GBP7: variants seen among roughly 807,000 people sequenced by gnomAD.
The protein encoded by GBP7 is guanylate-binding protein 7.
Under a neutral mutation model 61.3 loss-of-function variants are expected in GBP7, and 43 were observed. That is an observed-to-expected ratio of 0.70 (90% CI 0.55 to 0.91). The LOEUF is 0.91. Ranked by LOEUF, GBP7 falls within the 40% of genes least tolerant of loss-of-function variation. The pLI is 0.00. For missense variants in GBP7, 717 were observed against 740.5 expected, an observed-to-expected ratio of 0.97 and a Z score of 0.37; for synonymous variants, 267 against 271.0, an observed-to-expected ratio of 0.99 and a Z score of 0.14.
rs537733649 is a variant in GBP7 at position 89,149,669 on chromosome 1, C to T, written c.872-97G>A. 9.1e-5 allele frequency: 95 copies of T among 1,046,310 alleles called. 1 individual carries two copies. In the South Asian group the frequency reaches 1.6e-3, roughly 18 times the overall value. The allele number at this position is 1,046,310 out of a possible 1,614,324, so 64.8% of individuals were successfully genotyped here. A position where few individuals can be genotyped will look rare whatever the true frequency, so the allele number is the denominator to read the frequency against. On this transcript the variant is annotated intron_variant, in intron 6 of 10. Coordinates refer to ENST00000294671, the MANE Select transcript of GBP7 (RefSeq NM_207398.3). ...GCATTCTAAAAATCAGAAAAAATTC[C>T]ATTTAACATGAATTTTCCCTCCTTC... is the stretch of plus-strand genomic sequence containing the variant.
Position 89,136,183 on chromosome 1 carries a change from G to A in GBP7, c.1469-2732C>T, listed in dbSNP as rs369099215. On this transcript the variant is annotated intron_variant, in intron 9 of 10. Transcript: ENST00000294671. ...ATAAAACAAGTTCAAAGAGACCTAT[G>A]AAGAGACTTAGATAACCACACAATA... is the stretch of plus-strand genomic sequence containing the variant. Among the ~76,000 whole-genome samples the A allele has an allele frequency of 3.7e-4, 56 of 152,270 alleles. 6 individuals are homozygous for A. The highest frequency in any genetic ancestry group is 9.1e-4 in the Admixed American group (14 of 15,302).
At chr1:89,144,787 A>C (rs116796378) in intron 8 of GBP7, among the ~76,000 whole-genome samples, 2,511 of 152,098 alleles carry the variant, frequency 0.017, 64 homozygotes, top group African/African-American at 0.056. Context: ...TTCTAGTATA[A>C]AGTACATTGT....
chr1:89,166,498 T>G (rs182327867), intron 2 of GBP7, among the ~76,000 whole-genome samples: 1 of 152,280 alleles, frequency 6.6e-6, no homozygotes, highest in East Asian at 1.9e-4. Flanking sequence ...AGATGGATGA[T>G]GACAAAAATC....
chr1:89,166,754 A>G (rs1420508861), intron 2 of GBP7, among the ~76,000 whole-genome samples: 1 of 152,202 alleles, frequency 6.6e-6, no homozygotes, highest in African/African-American at 2.4e-5. Context: ...AACAAAGGCT[A>G]ATGTTCTGAG....
chr1:89,135,308 C>T (rs888101512), intron 9 of GBP7, among the ~76,000 whole-genome samples: 1 of 152,114 alleles, frequency 6.6e-6, no homozygotes, highest in Admixed American at 6.5e-5. Context: ...CCCAACCTCA[C>T]TAGAGAGGTT....
At chr1:89,145,812 A>T (rs1471062571) in intron 8 of GBP7, among the ~76,000 whole-genome samples, 1 of 152,222 alleles carries the variant, frequency 6.6e-6, no homozygotes, top group Non-Finnish European at 1.5e-5. Flanking sequence ...GATGAAATTA[A>T]CTGAAGAAGA....
At chr1:89,169,548 T>G (rs907483299) in intron 2 of GBP7, among the ~76,000 whole-genome samples, 1 of 152,226 alleles carries the variant, frequency 6.6e-6, no homozygotes, top group Non-Finnish European at 1.5e-5. Context: ...AGTTTATTAT[T>G]ATTTATCTAC....
chr1:89,164,291 G>T (rs1159474501), intron 3 of GBP7, among the ~76,000 whole-genome samples: 1 of 152,134 alleles, frequency 6.6e-6, no homozygotes, highest in Admixed American at 6.5e-5. Context: ...AATCCCACAG[G>T]TTACAGCTTC....
chr1:89,169,755 C>T (rs776881303), intron 2 of GBP7, among the ~76,000 whole-genome samples: 1 of 152,092 alleles, frequency 6.6e-6, no homozygotes, highest in Non-Finnish European at 1.5e-5. Flanking sequence ...CAATGCCATA[C>T]CCAAAGACAT....
intron 7 of GBP7, 144 bp from the exon 8 acceptor site, chr1:89,147,923 G>A: frequency 1.3e-6 from 1 of 778,286 alleles, no homozygotes; most frequent in Non-Finnish European, 2.1e-6. Flanking sequence ...ACTTGTTTTA[G>A]TTCCAGTTCT....
chr1:89,155,848 T>A (rs1479169532), intron 3 of GBP7, among the ~76,000 whole-genome samples: 1 of 152,050 alleles, frequency 6.6e-6, no homozygotes, highest in Non-Finnish European at 1.5e-5. Flanking sequence ...ATTCAGGAAA[T>A]ACACAGAATG....
At chr1:89,140,961 AT>A (rs1681928523) in intron 9 of GBP7, among the ~76,000 whole-genome samples, 1 of 152,192 alleles carries the variant, frequency 6.6e-6, no homozygotes, top group African/African-American at 2.4e-5. Flanking sequence ...AAAACCAAAT[AT>A]CACATGTTCT....
At chr1:89,173,518 A>T (rs1020744643) in intron 1 of GBP7, among the ~76,000 whole-genome samples, 9 of 152,174 alleles carry the variant, frequency 5.9e-5, no homozygotes, top group Non-Finnish European at 1.3e-4. Flanking sequence ...TTCAAAATTG[A>T]TAATAAGTCT....
intron 3 of GBP7, among the ~76,000 whole-genome samples, chr1:89,161,373 A>G (rs967085151): frequency 6.6e-6 from 1 of 152,180 alleles, no homozygotes; most frequent in Non-Finnish European, 1.5e-5. Context: ...TGGTTTAACT[A>G]ATTTACACTC....
chr1:89,157,971 T>A (rs1248233299), intron 3 of GBP7, among the ~76,000 whole-genome samples: 2 of 152,096 alleles, frequency 1.3e-5, no homozygotes, highest in African/African-American at 4.8e-5. Flanking sequence ...AATAAGATAC[T>A]GGCAAACCAA....
intron 2 of GBP7, among the ~76,000 whole-genome samples, chr1:89,169,135 A>G (rs1306025483): frequency 6.6e-6 from 1 of 152,178 alleles, no homozygotes; most frequent in Non-Finnish European, 1.5e-5. Flanking sequence ...TTTCAGAAAA[A>G]TAAGTTTGGA....
chr1:89,134,608 A>T (rs1570337204), intron 9 of GBP7, among the ~76,000 whole-genome samples: 1 of 14,090 alleles, frequency 7.1e-5, no homozygotes, highest in African/African-American at 2.9e-4. Flanking sequence ...CATCCAGAAA[A>T]AAAAAAAAAA....
chr1:89,150,281 T>A (rs1682161839), intron 6 of GBP7, 49 bp downstream of exon 6: 1 of 1,541,296 alleles, frequency 6.5e-7, no homozygotes, highest in East Asian at 2.3e-5. Context: ...TACTAGTTTT[T>A]GAGATACAGT....
chr1:89,160,900 G>A (rs145805031), intron 3 of GBP7, among the ~76,000 whole-genome samples: 321 of 151,490 alleles, frequency 2.1e-3, no homozygotes, highest in Non-Finnish European at 2.8e-3. Flanking sequence ...AGCCAAGTAC[G>A]CATTAGTTTT....
Sources: gnomAD v4.1 joint callset for allele counts (sites outside exome capture counted in the v4.1 genomes callset) on GRCh38, gnomAD v4.1.1 for gene constraint, MANE v1.5 for transcripts, NCBI Gene and HGNC (gene_info 2026-07-23, HGNC 2026-07-21) for gene names.